The following LZTFL1 variants were observed in gnomAD, a reference collection of about 807,000 sequenced individuals.
LZTFL1 encodes leucine zipper transcription factor like 1.
A neutral mutation model predicts 45.9 loss-of-function variants in LZTFL1; 25 were observed. That is an observed-to-expected ratio of 0.54 (90% CI 0.40 to 0.76). LZTFL1 has a LOEUF of 0.76. Ranked by LOEUF, LZTFL1 falls within the 30% of genes least tolerant of loss-of-function variation. LZTFL1 has a pLI of 0.00. For synonymous variants in LZTFL1, 93 were observed against 117.4 expected, an observed-to-expected ratio of 0.79 and a Z score of 1.35; for missense variants, 277 against 331.1, an observed-to-expected ratio of 0.84 and a Z score of 1.27.
chr3:45,835,495 T>C, intron 3 of LZTFL1, 95 bp downstream of exon 3: 1 of 1,226,476 alleles, frequency 8.2e-7, no homozygotes, highest in Non-Finnish European at 1.2e-6. Flanking sequence ...CCTCACACAC[T>C]AGCCCCAAGA....
rs765559245 is a variant in LZTFL1, at chr3:45,842,030, G to A, written c.-39C>T. The A allele has an allele frequency of 1.4e-5, 22 of 1,604,696 alleles. No individual in the cohort carries two copies. The highest frequency in any genetic ancestry group is 6.6e-5 in the South Asian group (6 of 90,274). On this transcript the variant is annotated 5_prime_UTR_variant, in exon 1 of 10. Coordinates refer to ENST00000296135, the MANE Select transcript of LZTFL1 (RefSeq NM_020347.4). ...GGCGGCAGCCTAAAGGAACGGGAGA[G>A]GCCAGGCGGTGCCCCGCCAAGCCTG... is the stretch of plus-strand genomic sequence containing the variant.
At chr3:45,890,020 A>T (rs1283619274) in intron 2 of LZTFL1, among the ~76,000 whole-genome samples, 1 of 151,100 alleles carries the variant, frequency 6.6e-6, no homozygotes, top group African/African-American at 2.4e-5. Flanking sequence ...CTCCAAAAAG[A>T]TCACATAAAT....
At chr3:45,867,574 T>C (rs900129048) in intron 2 of LZTFL1, among the ~76,000 whole-genome samples, 1 of 152,236 alleles carries the variant, frequency 6.6e-6, no homozygotes, top group Non-Finnish European at 1.5e-5. Flanking sequence ...CTGGGCACCG[T>C]GGCTCATGCC....
At chr3:45,860,722 C>T (rs1165298357) in intron 2 of LZTFL1, among the ~76,000 whole-genome samples, 1 of 152,184 alleles carries the variant, frequency 6.6e-6, no homozygotes, top group African/African-American at 2.4e-5. Context: ...ACAGGACAGG[C>T]TCCGGGTGGA....
intron 1 of LZTFL1, among the ~76,000 whole-genome samples, chr3:45,914,762 A>T (rs543747567): frequency 6.6e-6 from 1 of 152,330 alleles, no homozygotes; most frequent in African/African-American, 2.4e-5. Context: ...TAACCAAAGA[A>T]GATGGGGGCC....
At position 45,901,271 on chromosome 3, in the gene LZTFL1, G is replaced by A; in HGVS notation, c.-215+11849C>T. 6.2e-7 allele frequency: 1 copy of A among 1,614,152 alleles called. No homozygotes were observed. The highest frequency in any genetic ancestry group is 8.5e-7 in the Non-Finnish European group (1 of 1,180,018). ...GAGCACATACTTGGAGGGAGAAAAG[G>A]CTTTTGTACAGCAAAATGGTTTGCT... On this transcript the variant is annotated intron_variant, in intron 2 of 4. Transcript: ENST00000472635. This position sits in a 1 kb window ranked among gnomAD's most constrained non-coding sequence, Gnocchi z 4.3.
chr3:45,913,376 C>T (rs1487290528), intron 1 of LZTFL1, among the ~76,000 whole-genome samples: 2 of 151,812 alleles, frequency 1.3e-5, no homozygotes, highest in Non-Finnish European at 2.9e-5. Context: ...TCTCAGAATG[C>T]TTTAAAATGC....
chr3:45,864,712 G>A (rs1701550886), intron 2 of LZTFL1, among the ~76,000 whole-genome samples: 1 of 152,052 alleles, frequency 6.6e-6, no homozygotes, highest in African/African-American at 2.4e-5. Flanking sequence ...AAGAATATAA[G>A]AGAGAAAAAA....
At chr3:45,840,106 G>C (rs1455441229) in intron 1 of LZTFL1, among the ~76,000 whole-genome samples, 1 of 152,174 alleles carries the variant, frequency 6.6e-6, no homozygotes, top group East Asian at 1.9e-4. Flanking sequence ...GTGCCAGCAG[G>C]TGGCCAATTC....
Position 45,837,950 on chromosome 3 carries a change from G to A in LZTFL1, c.105C>T (p.Cys35=). The A allele has an allele frequency of 6.2e-7, 1 of 1,612,924 alleles. No homozygotes were observed. Among genetic ancestry groups the A allele is most frequent in the Non-Finnish European group, 8.5e-7 (1 of 1,179,654 alleles). Residue 35 remains cysteine, a synonymous_variant, in exon 2 of 10, where the codon TGC becomes TGT. Coordinates refer to ENST00000296135, the MANE Select transcript of LZTFL1 (RefSeq NM_020347.4). ...ACCTGCTCTCCTTGAGGTCTTGGAA[G>A]CAGGAATCTACAGTTTTGAGTCTCA... ...RGLRLKTVDS[C]FQDLKESRLV...
intron 1 of LZTFL1, among the ~76,000 whole-genome samples, chr3:45,914,902 C>A (rs1702867075): frequency 1.3e-5 from 2 of 152,202 alleles, no homozygotes; most frequent in Non-Finnish European, 2.9e-5. Context: ...GGAGCTGCCT[C>A]TTCCAAGACC....
intron 2 of LZTFL1, among the ~76,000 whole-genome samples, chr3:45,879,208 G>A (rs1701807615): frequency 6.6e-6 from 1 of 152,224 alleles, no homozygotes; most frequent in African/African-American, 2.4e-5. Context: ...TCTGCACACA[G>A]ATGTTCACGG....
intron 4 of LZTFL1, among the ~76,000 whole-genome samples, chr3:45,849,259 A>T (rs61262069): frequency 0.017 from 2,657 of 152,264 alleles, 85 homozygotes; most frequent in African/African-American, 0.06. Context: ...ACCTTCAGGG[A>T]TTAGCAAATG....
intron 8 of LZTFL1, among the ~76,000 whole-genome samples, chr3:45,827,873 T>A (rs986262535): frequency 4.0e-5 from 6 of 151,140 alleles, no homozygotes; most frequent in Admixed American, 3.3e-4. Context: ...AAAAAATTTT[T>A]AATTTTTTTA....
At chr3:45,842,216 G>A (rs982846791), upstream of LZTFL1, 20 of 1,398,786 alleles carry the variant, frequency 1.4e-5, no homozygotes, top group Middle Eastern at 2.4e-4. Context: ...CCGGTTGACT[G>A]CCACATGCGC....
chr3:45,841,103 A>C (rs1309068928), intron 1 of LZTFL1, among the ~76,000 whole-genome samples: 2 of 152,344 alleles, frequency 1.3e-5, no homozygotes, highest in East Asian at 3.9e-4. Flanking sequence ...TATTTTAGGG[A>C]AATCAAGAGA....
At chr3:45,846,516 C>T (rs1701219709), upstream of LZTFL1, among the ~76,000 whole-genome samples, 1 of 152,128 alleles carries the variant, frequency 6.6e-6, no homozygotes, top group South Asian at 2.1e-4. Context: ...AACTGAACTA[C>T]TAATAGACTG....
chr3:45,892,683 T>A (rs1702224044), intron 2 of LZTFL1, among the ~76,000 whole-genome samples: 3 of 152,042 alleles, frequency 2.0e-5, no homozygotes, highest in Admixed American at 6.6e-5. Context: ...TTTACCTATA[T>A]GACAAACCTG....
At chr3:45,840,841 A>C (rs1223849189) in intron 1 of LZTFL1, among the ~76,000 whole-genome samples, 1 of 152,242 alleles carries the variant, frequency 6.6e-6, no homozygotes, top group Non-Finnish European at 1.5e-5. Context: ...TGTAATGATA[A>C]AAATGAGCAC....
Sources: gnomAD v4.1 joint callset for allele counts (sites outside exome capture counted in the v4.1 genomes callset) on GRCh38, gnomAD v4.1.1 for gene constraint, Gnocchi (gnomAD v3.1) non-coding constraint, MANE v1.5 for transcripts, NCBI Gene and HGNC (gene_info 2026-07-23, HGNC 2026-07-21) for gene names.